Variants in PAX5 observed in about 807,000 individuals in gnomAD.
PAX5 encodes the protein paired box protein Pax-5.
Under a neutral mutation model 43.7 loss-of-function variants are expected in PAX5, and 9 were observed. The observed-to-expected ratio is 0.21, with a 90% CI of 0.12 to 0.36. The LOEUF is 0.36. Ranked by LOEUF, PAX5 falls within the 10% of genes least tolerant of loss-of-function variation. The pLI is 1.00. For synonymous variants in PAX5, 228 were observed against 214.3 expected (o/e 1.06, Z -0.56); for missense variants, 383 against 532.7 (o/e 0.72, Z 2.77).
chr9:36,900,748 A>G (rs988493141), intron 7 of PAX5, among the ~76,000 whole-genome samples: 1 of 151,884 alleles, frequency 6.6e-6, no homozygotes, highest in African/African-American at 2.4e-5. Flanking sequence ...CAACTGAGTG[A>G]CTCACATCCT....
At chr9:36,970,157 T>G (rs1834816886) in intron 5 of PAX5, among the ~76,000 whole-genome samples, 1 of 151,900 alleles carries the variant, frequency 6.6e-6, no homozygotes, top group Admixed American at 6.6e-5. Flanking sequence ...GATGCTAGGG[T>G]GAAAAGAGAG....
intron 1 of PAX5, among the ~76,000 whole-genome samples, chr9:37,032,114 C>G (rs1297633807): frequency 6.6e-6 from 1 of 152,194 alleles, no homozygotes; most frequent in Admixed American, 6.5e-5. Flanking sequence ...GGGCGTGGCT[C>G]TCTAGATTTT....
intron 8 of PAX5, among the ~76,000 whole-genome samples, chr9:36,850,733 C>T (rs1476123283): frequency 6.6e-6 from 1 of 152,210 alleles, no homozygotes; most frequent in Non-Finnish European, 1.5e-5. Context: ...TGAGACCCGC[C>T]TCTGGGAGAC....
At chr9:36,866,093 T>TG (rs1319450445) in intron 8 of PAX5, among the ~76,000 whole-genome samples, 1 of 152,112 alleles carries the variant, frequency 6.6e-6, no homozygotes, top group African/African-American at 2.4e-5. Context: ...TGGAAGTCAG[T>TG]GGGGAATAAA....
chr9:36,940,498 G>A (rs1016328574), intron 6 of PAX5, among the ~76,000 whole-genome samples: 2 of 152,158 alleles, frequency 1.3e-5, no homozygotes, highest in Non-Finnish European at 1.5e-5. Flanking sequence ...GCAGTGAGGC[G>A]CGGTAAATCA....
intron 5 of PAX5, among the ~76,000 whole-genome samples, chr9:36,979,110 T>C (rs2132265860): frequency 6.6e-6 from 1 of 152,326 alleles, no homozygotes; most frequent in South Asian, 2.1e-4. Context: ...TTCACTGGCT[T>C]ATTGCTTCTT....
At chr9:36,941,359 A>G (rs1029683279) in intron 6 of PAX5, among the ~76,000 whole-genome samples, 1 of 152,314 alleles carries the variant, frequency 6.6e-6, no homozygotes. Context: ...TACCGCTATT[A>G]TTCCTCAGGA....
At chr9:37,010,259 G>A (rs1029120558) in intron 3 of PAX5, among the ~76,000 whole-genome samples, 3 of 152,152 alleles carry the variant, frequency 2.0e-5, no homozygotes, top group African/African-American at 7.2e-5. Flanking sequence ...GCAGGACCCT[G>A]GCTGCCGTAC....
chr9:36,879,404 G>A (rs998016000), intron 8 of PAX5, among the ~76,000 whole-genome samples: 4 of 152,212 alleles, frequency 2.6e-5, no homozygotes, highest in Non-Finnish European at 5.9e-5. Context: ...TGAGAGGACC[G>A]GCTGGGTGGC....
intron 6 of PAX5, among the ~76,000 whole-genome samples, chr9:36,940,068 C>T (rs1412307977): frequency 6.6e-6 from 1 of 152,238 alleles, no homozygotes; most frequent in Non-Finnish European, 1.5e-5. Context: ...CCGGCGCTGC[C>T]TTCCTTATTT....
At chr9:37,001,253 T>A (rs1837825257) in intron 5 of PAX5, among the ~76,000 whole-genome samples, 4 of 152,122 alleles carry the variant, frequency 2.6e-5, no homozygotes. Flanking sequence ...TCAAACTAGC[T>A]TTTCTCTTTC....
intron 6 of PAX5, among the ~76,000 whole-genome samples, chr9:36,949,114 T>C (rs973164089): frequency 6.6e-6 from 1 of 152,126 alleles, no homozygotes. Flanking sequence ...CAGGCTGGAG[T>C]GCAGTGGCAC....
intron 1 of PAX5, chr9:37,026,538 A>G (rs1840393252): frequency 9.0e-6 from 12 of 1,330,210 alleles, no homozygotes; most frequent in Non-Finnish European, 1.2e-5. Flanking sequence ...CTTACTATGC[A>G]TGGATGCAAA....
intron 7 of PAX5, among the ~76,000 whole-genome samples, chr9:36,887,189 C>G (rs548795154): frequency 2.1e-4 from 32 of 152,264 alleles, no homozygotes; most frequent in African/African-American, 7.5e-4. Flanking sequence ...GACTAGCCCT[C>G]CCAGATGCTA....
At chr9:36,863,786 A>G (rs988472764) in intron 8 of PAX5, among the ~76,000 whole-genome samples, 4 of 152,184 alleles carry the variant, frequency 2.6e-5, no homozygotes, top group Non-Finnish European at 5.9e-5. Context: ...CGGGGAATGA[A>G]AGGCAATTAG....
intron 1 of PAX5, 91 bp downstream of exon 1, chr9:37,033,895 C>A: frequency 8.8e-7 from 1 of 1,142,414 alleles, no homozygotes; most frequent in Non-Finnish European, 1.3e-6. Flanking sequence ...ATGCGGCGCG[C>A]CCCCTCCTCC....
intron 7 of PAX5, among the ~76,000 whole-genome samples, chr9:36,883,355 G>A (rs1038563550): frequency 1.3e-5 from 2 of 152,220 alleles, no homozygotes; most frequent in African/African-American, 4.8e-5. Context: ...CCCAGGGAAA[G>A]AAGGAGGAAG....
At chr9:36,893,294 C>T (rs1213262498) in intron 7 of PAX5, among the ~76,000 whole-genome samples, 2 of 152,216 alleles carry the variant, frequency 1.3e-5, no homozygotes, top group African/African-American at 4.8e-5. Context: ...GACAGCATCA[C>T]GATGCCAGCA....
rs373346601 is a variant in PAX5 at position 36,962,922 on chromosome 9, C to T, written c.780+3627G>A. Among the ~76,000 whole-genome samples, 179 of 152,340 alleles carry T rather than the reference C, an allele frequency of 1.2e-3. 1 individual carries two copies. Among genetic ancestry groups the T allele is most frequent in the African/African-American group, 3.6e-3 (151 of 41,572 alleles). On this transcript the variant is annotated intron_variant, in intron 6 of 9. Coordinates refer to ENST00000358127, the MANE Select transcript of PAX5 (RefSeq NM_016734.3). Reference sequence around the variant, plus strand: ...GCCATGCCACGCTGGGGCTCACAGGCGAGGCCTGTGGAACATTCACCTCTT... The same window carrying T: ...GCCATGCCACGCTGGGGCTCACAGGTGAGGCCTGTGGAACATTCACCTCTT...
Sources: allele counts gnomAD v4.1 joint callset (sites outside exome capture counted in the v4.1 genomes callset), GRCh38; gene constraint gnomAD v4.1.1; transcripts MANE v1.5; gene names NCBI Gene and HGNC (gene_info 2026-07-23, HGNC 2026-07-21).